MRPS6: variants seen among roughly 807,000 people sequenced by gnomAD.
The protein encoded by MRPS6 is mitochondrial ribosomal protein S6.
In MRPS6, 6 loss-of-function variants were observed where a neutral mutation model predicts 13.1. The ratio of observed to expected loss-of-function variants is 0.46; its 90% CI spans 0.25 to 0.91. The LOEUF is 0.91. MRPS6 is among the 40% of genes least tolerant of loss of function. The pLI is 0.18. For missense variants in MRPS6, 164 were observed against 155.6 expected, an observed-to-expected ratio of 1.05 and a Z score of -0.29; for synonymous variants, 61 against 56.5, an observed-to-expected ratio of 1.08 and a Z score of -0.36.
At chr21:34,109,019 CTT>C (rs1428389991) in intron 1 of MRPS6, among the ~76,000 whole-genome samples, 3 of 152,150 alleles carry the variant, frequency 2.0e-5, no homozygotes, top group Non-Finnish European at 4.4e-5. Context: ...ATTTTCATCT[CTT>C]TGCTCTTTCT....
In MRPS6 at chr21:34,101,733, C is replaced by T. The variant is rs996643535; in HGVS notation, c.46-23608C>T. The T allele has an allele frequency of 4.0e-6, 4 of 991,404 alleles. No individual in the cohort carries two copies. In the African/African-American group the frequency reaches 7.0e-5, roughly 17 times the overall value. The allele number at this position is 991,404 out of a possible 1,614,324, so 61.4% of individuals were successfully genotyped here. Reference sequence around the variant, plus strand: ...GAGGACTTTTAGATCCAAATAATGACTCATTAAATATAATTATGTTTTAAG... The same window carrying T: ...GAGGACTTTTAGATCCAAATAATGATTCATTAAATATAATTATGTTTTAAG... On this transcript the variant is annotated intron_variant, in intron 1 of 2. Coordinates refer to ENST00000399312, the MANE Select transcript of MRPS6 (RefSeq NM_032476.4).
chr21:34,097,921 A>G, intron 1 of MRPS6: 1 of 997,268 alleles, frequency 1.0e-6, no homozygotes, highest in Non-Finnish European at 1.2e-6. Flanking sequence ...TCCCAAAGAA[A>G]GAATGTTTTC....
intron 1 of MRPS6, among the ~76,000 whole-genome samples, chr21:34,091,194 T>C (rs62212115): frequency 0.059 from 9,013 of 152,230 alleles, 309 homozygotes; most frequent in Middle Eastern, 0.13. Context: ...GGTTTGTAAA[T>C]TGACTCCAAA....
At chr21:34,082,007 T>C (rs753252989) in intron 1 of MRPS6, among the ~76,000 whole-genome samples, 5 of 152,018 alleles carry the variant, frequency 3.3e-5, no homozygotes, top group African/African-American at 7.2e-5. Context: ...GCTTTTTTTT[T>C]CTCTCTTCCT....
chr21:34,142,443 C>T lies in MRPS6; in HGVS notation c.221C>T (p.Ala74Val). ...GTGGATTTTTATGCACCCACCGCAG[C>T]TGTTGAAAGCATGGTGGAGCACTTG... ...FLVDFYAPTA[A>V]VESMVEHLSR... Residue 74 changes from alanine (A) to valine (V), a missense_variant, in exon 3 of 3, where the codon GCT (alanine) becomes GTT (valine). Transcript: ENST00000399312. 6.3e-7 allele frequency: 1 copy of T among 1,595,752 alleles called. No homozygotes were observed. The highest frequency in any genetic ancestry group is 8.5e-7 in the Non-Finnish European group (1 of 1,172,752).
At chr21:34,123,891 T>C (rs1164555203) in intron 1 of MRPS6, 2 of 151,990 alleles carry the variant, frequency 1.3e-5, no homozygotes, top group Non-Finnish European at 2.9e-5. Context: ...CTCTACCCCA[T>C]TGTCATTCTG....
chr21:34,079,898 T>C (rs958237768), intron 1 of MRPS6, among the ~76,000 whole-genome samples: 3 of 152,206 alleles, frequency 2.0e-5, no homozygotes, highest in African/African-American at 7.2e-5. Flanking sequence ...ATGTGTTGCC[T>C]ATCCCCAAAG....
intron 1 of MRPS6, chr21:34,098,602 T>C: frequency 1.0e-6 from 1 of 1,000,298 alleles, no homozygotes; most frequent in Non-Finnish European, 1.2e-6. Flanking sequence ...TGTTGTTAGG[T>C]TGTCAATATA....
chr21:34,112,400 G>A (rs1979738129), intron 1 of MRPS6, among the ~76,000 whole-genome samples: 1 of 143,090 alleles, frequency 7.0e-6, no homozygotes, highest in Admixed American at 7.1e-5. Context: ...AGAAAGACAC[G>A]TTTATAGAAA....
rs1031683487 is a variant in MRPS6 at position 34,096,629 on chromosome 21, C to T, written c.45+22884C>T. On this transcript the variant is annotated intron_variant, in intron 1 of 2. Transcript: ENST00000399312. This position sits in a 1 kb window ranked among gnomAD's most constrained non-coding sequence, Gnocchi z 5.9. Reference sequence around the variant, plus strand: ...GGGCTTTCTATGGTGGAATGGCTGGCTTTGTTCTTGGAGCAGTCCGTTTGA... The same window carrying T: ...GGGCTTTCTATGGTGGAATGGCTGGTTTTGTTCTTGGAGCAGTCCGTTTGA... 5 of 1,614,006 alleles carry T rather than the reference C, an allele frequency of 3.1e-6. No homozygotes were observed. The African/African-American group carries it at 5.3e-5, about 17-fold the overall frequency.
intron 2 of MRPS6, among the ~76,000 whole-genome samples, chr21:34,127,864 A>G (rs1224438522): frequency 6.6e-6 from 1 of 152,230 alleles, no homozygotes; most frequent in Non-Finnish European, 1.5e-5. Context: ...TTGAGAAGAA[A>G]CAGTGGTTTT....
intron 1 of MRPS6, chr21:34,105,067 G>A: frequency 1.0e-6 from 1 of 999,920 alleles, no homozygotes; most frequent in Middle Eastern, 5.2e-4. Flanking sequence ...TTTCTGTGGG[G>A]TTATTAAAAT....
rs1017283934 is a variant in MRPS6 at position 34,109,921 on chromosome 21, C to T, written c.46-15420C>T. On this transcript the variant is annotated intron_variant, in intron 1 of 2. Transcript: ENST00000399312. ...CATAAAGCTGAAAAAAATCTCTTTA[C>T]AGTAGTTCTAGTAGGTTTTCAGGTG... 7.2e-5 allele frequency among the ~76,000 whole-genome samples: 11 copies of T among 152,118 alleles called. 1 individual carries two copies. The highest frequency in any genetic ancestry group is 2.4e-4 in the African/African-American group (10 of 41,488).
chr21:34,100,536 C>T, intron 1 of MRPS6: 1 of 1,000,232 alleles, frequency 1.0e-6, no homozygotes, highest in African/African-American at 1.7e-5. Flanking sequence ...TTTCACTTGG[C>T]TCAAAGGATC....
Position 34,073,706 on chromosome 21 carries a change from C to T in MRPS6, c.6C>T (p.Pro2=), listed in dbSNP as rs887298543. ...CACTCGCCGATCCTCCAGGCATGCC[C>T]CGCTACGAGCTGGCTTTAATCCTGA... is the stretch of plus-strand genomic sequence containing the variant. M[P]RYELALILKA... is the part of the protein sequence containing the mutation. The change falls in exon 1 of 3, where the codon CCC becomes CCT. Residue 2 remains proline, a synonymous_variant. Transcript: ENST00000399312. The T allele has an allele frequency of 1.3e-6, 2 of 1,525,580 alleles. No homozygotes were observed. Among genetic ancestry groups the T allele is most frequent in the Non-Finnish European group, 1.8e-6 (2 of 1,129,774 alleles). 94.5% of individuals were successfully genotyped at this position (1,525,580 alleles called of 1,614,324 possible).
At chr21:34,114,094 C>T (rs116442382) in intron 1 of MRPS6, among the ~76,000 whole-genome samples, 76 of 152,206 alleles carry the variant, frequency 5.0e-4, no homozygotes, top group African/African-American at 1.6e-3. Context: ...CCAGTCTTCC[C>T]GTTTATCTTT....
intron 2 of MRPS6, among the ~76,000 whole-genome samples, chr21:34,137,100 T>G (rs1452322797): frequency 1.3e-5 from 2 of 152,310 alleles, no homozygotes; most frequent in African/African-American, 4.8e-5. Context: ...TGAAATCAGG[T>G]GGTGTTAGTC....
intron 2 of MRPS6, chr21:34,135,411 A>G (rs1246251840): frequency 3.4e-6 from 1 of 291,490 alleles, no homozygotes; most frequent in Non-Finnish European, 6.9e-6. Flanking sequence ...AGACTGGTTT[A>G]TTGGGCATCA....
intron 1 of MRPS6, among the ~76,000 whole-genome samples, chr21:34,074,921 C>T (rs748224954): frequency 1.2e-4 from 18 of 152,134 alleles, no homozygotes; most frequent in Non-Finnish European, 1.9e-4. Context: ...GAAGGGACGC[C>T]AGTGCCTCTC....
Sources: gnomAD v4.1 joint callset for allele counts (sites outside exome capture counted in the v4.1 genomes callset) on GRCh38, gnomAD v4.1.1 for gene constraint, Gnocchi (gnomAD v3.1) non-coding constraint, MANE v1.5 for transcripts, NCBI Gene and HGNC (gene_info 2026-07-23, HGNC 2026-07-21) for gene names.